ATP2B2: variants seen among roughly 807,000 people sequenced by gnomAD.
ATP2B2 encodes plasma membrane calcium-transporting ATPase 2.
A neutral mutation model predicts 120.0 loss-of-function variants in ATP2B2; 15 were observed. The observed-to-expected ratio is 0.12, with a 90% CI of 0.08 to 0.19. ATP2B2 has a LOEUF of 0.19. Among genes scored for constraint, ATP2B2 ranks in the 10% least tolerant of loss-of-function variants. ATP2B2 has a pLI of 1.00. For synonymous variants in ATP2B2, 694 were observed against 700.3 expected, an observed-to-expected ratio of 0.99 and a Z score of 0.14; for missense variants, 1,045 against 1,719.8, an observed-to-expected ratio of 0.61 and a Z score of 6.94.
Position 10,471,997 on chromosome 3 carries a change from C to T in ATP2B2, c.-319-22135G>A, listed in dbSNP as rs1164043569. On this transcript the variant is annotated intron_variant, in intron 1 of 22. Transcript: ENST00000360273. ...TCGGGAGGCTGAGGCAGGAGAATGG[C>T]GTGAACCCGGGAGGCGGAACTTGGA... Among the ~76,000 whole-genome samples the T allele has an allele frequency of 7.5e-5, 11 of 145,968 alleles. No individual in the cohort carries two copies. In the East Asian group the frequency reaches 1.0e-3, roughly 13 times the overall value.
At chr3:10,424,769 C>T (rs557785769) in intron 2 of ATP2B2, among the ~76,000 whole-genome samples, 4 of 152,278 alleles carry the variant, frequency 2.6e-5, no homozygotes, top group South Asian at 2.1e-4. Flanking sequence ...AGATAAACTG[C>T]TGAGTGAAGA....
intron 2 of ATP2B2, among the ~76,000 whole-genome samples, chr3:10,607,575 A>G (rs1244505375): frequency 6.6e-6 from 1 of 152,212 alleles, no homozygotes; most frequent in East Asian, 1.9e-4. Context: ...TTTCTAGGGT[A>G]GGCTCTGCAC....
intron 1 of ATP2B2, among the ~76,000 whole-genome samples, chr3:10,685,827 C>T (rs2071505883): frequency 6.6e-6 from 1 of 152,232 alleles, no homozygotes; most frequent in Non-Finnish European, 1.5e-5. Context: ...CCATTCCTCA[C>T]TGATTTCTTC....
rs558512247 is a variant in ATP2B2 at position 10,460,160 on chromosome 3, T to C, written c.-319-10298A>G. Among the ~76,000 whole-genome samples the C allele has an allele frequency of 2.6e-5, 4 of 152,198 alleles. No homozygotes were observed. The South Asian group carries it at 6.2e-4, about 24-fold the overall frequency. On this transcript the variant is annotated intron_variant, in intron 1 of 22. Transcript: ENST00000360273. Reference sequence around the variant, plus strand: ...GACGGAGGTCAGTGCTGGGGAGGGATTGGATAGCTGAGGTCAGGGAACCTG... The same window carrying C: ...GACGGAGGTCAGTGCTGGGGAGGGACTGGATAGCTGAGGTCAGGGAACCTG...
chr3:10,382,227 G>T, intron 8 of ATP2B2, among the ~76,000 whole-genome samples: 1 of 127,642 alleles, frequency 7.8e-6, no homozygotes, highest in Non-Finnish European at 1.6e-5. Flanking sequence ...GTAGAGATGT[G>T]GTCTCACTAT....
intron 22 of ATP2B2, chr3:10,332,087 T>TC (rs921660327): frequency 1.3e-6 from 2 of 1,508,582 alleles, no homozygotes; most frequent in African/African-American, 1.4e-5. Flanking sequence ...GGTCTAGGGT[T>TC]CCCCCCACAA....
At chr3:10,388,003 C>G in intron 6 of ATP2B2, 1 of 443,310 alleles carries the variant, frequency 2.3e-6, no homozygotes, top group Non-Finnish European at 4.2e-6. Context: ...GCTGGAGACT[C>G]AACAACATGG....
intron 1 of ATP2B2, among the ~76,000 whole-genome samples, chr3:10,488,341 CCATCCAT>C (rs1263365497): frequency 4.7e-5 from 7 of 150,382 alleles, no homozygotes; most frequent in African/African-American, 1.7e-4. Flanking sequence ...ATCCATCCAT[CCATCCAT>C]TCACTCACCC....
chr3:10,350,590 G>A lies in ATP2B2; in HGVS notation c.2137-13C>T. The A allele has an allele frequency of 6.2e-7, 1 of 1,609,772 alleles. No homozygotes were observed. Among genetic ancestry groups the A allele is most frequent in the Non-Finnish European group, 8.5e-7 (1 of 1,179,450 alleles). On this transcript the variant is annotated splice_polypyrimidine_tract_variant and intron_variant, in intron 14 of 22. Transcript: ENST00000360273. ...TGGCTTCTGGGACCTGGGCAGGAGG[G>A]CAGGGGCCATGGGGGAGGGCACCAC...
chr3:10,653,785 C>CTA (rs1299251251), intron 1 of ATP2B2, among the ~76,000 whole-genome samples: 1 of 152,166 alleles, frequency 6.6e-6, no homozygotes, highest in Non-Finnish European at 1.5e-5. Flanking sequence ...CTACGTCTTA[C>CTA]TATAGCCTAC....
rs2125316530 is a variant in ATP2B2 at position 10,328,142 on chromosome 3, T to C, written c.*672A>G. 6.7e-6 allele frequency: 1 copy of C among 150,344 alleles called. No individual in the cohort carries two copies. The highest frequency in any genetic ancestry group is 1.9e-4 in the East Asian group (1 of 5,152). 9.3% of individuals were successfully genotyped at this position (150,344 alleles called of 1,614,324 possible). On this transcript the variant is annotated 3_prime_UTR_variant, in exon 23 of 23. Coordinates refer to ENST00000360273, the MANE Select transcript of ATP2B2 (RefSeq NM_001001331.4). ...ATATTTATATATATATATATATATC[T>C]ACCTATCTATATGGACGTATACAGT...
At chr3:10,439,898 G>A (rs2063602330) in intron 2 of ATP2B2, among the ~76,000 whole-genome samples, 1 of 145,450 alleles carries the variant, frequency 6.9e-6, no homozygotes, top group African/African-American at 2.5e-5. Flanking sequence ...GGGATTACAA[G>A]CGTGTACCAC....
intron 1 of ATP2B2, among the ~76,000 whole-genome samples, chr3:10,460,105 C>T (rs2064424799): frequency 6.6e-6 from 1 of 152,228 alleles, no homozygotes; most frequent in Middle Eastern, 3.2e-3. Flanking sequence ...GCCTAGGGAG[C>T]TGTCTCTGGG....
chr3:10,358,660 T>C (rs549738116), intron 14 of ATP2B2, 31 bp downstream of exon 14: 99 of 1,611,926 alleles, frequency 6.1e-5, no homozygotes, highest in Admixed American at 3.5e-4. Flanking sequence ...CCTCATCCCC[T>C]TTCCCTGAGC....
At chr3:10,522,848 T>C (rs1246157536) in intron 3 of ATP2B2, among the ~76,000 whole-genome samples, 1 of 152,198 alleles carries the variant, frequency 6.6e-6, no homozygotes, top group African/African-American at 2.4e-5. Flanking sequence ...TGACCTTGGA[T>C]GCCTCATGTT....
At chr3:10,335,656 C>T (rs1430635152) in intron 22 of ATP2B2, among the ~76,000 whole-genome samples, 1 of 152,184 alleles carries the variant, frequency 6.6e-6, no homozygotes, top group Non-Finnish European at 1.5e-5. Flanking sequence ...TCCCCTTGAC[C>T]CACAGTGACC....
chr3:10,360,266 C>T, intron 12 of ATP2B2, 143 bp from the exon 13 acceptor site: 1 of 1,399,450 alleles, frequency 7.1e-7, no homozygotes, highest in Non-Finnish European at 9.4e-7. Context: ...TTGGCCCATC[C>T]CCTGCACCCT....
chr3:10,366,238 TC>T (rs974186450), intron 12 of ATP2B2, among the ~76,000 whole-genome samples: 13 of 152,082 alleles, frequency 8.5e-5, no homozygotes, highest in Admixed American at 7.2e-4. Flanking sequence ...TGTCTCTGCT[TC>T]CCCCCTTCCC....
intron 2 of ATP2B2, among the ~76,000 whole-genome samples, chr3:10,417,175 C>T (rs531629384): frequency 6.6e-6 from 1 of 151,760 alleles, no homozygotes; most frequent in African/African-American, 2.4e-5. Flanking sequence ...AGGGACTCCT[C>T]ACTTCCCAGA....
Sources: allele counts gnomAD v4.1 joint callset (sites outside exome capture counted in the v4.1 genomes callset), GRCh38; gene constraint gnomAD v4.1.1; transcripts MANE v1.5; gene names NCBI Gene and HGNC (gene_info 2026-07-23, HGNC 2026-07-21).